The following RB1 variants were observed in gnomAD, a reference collection of about 807,000 sequenced individuals.
RB1 encodes the protein RB transcriptional corepressor 1.
In RB1, 18 loss-of-function variants were observed where a neutral mutation model predicts 135.4. The ratio of observed to expected loss-of-function variants is 0.13; its 90% CI spans 0.09 to 0.20. The LOEUF is 0.20. Among genes scored for constraint, RB1 ranks in the 10% least tolerant of loss-of-function variants. The pLI is 1.00. For missense variants in RB1, 868 were observed against 1,110.0 expected, an observed-to-expected ratio of 0.78 and a Z score of 3.10; for synonymous variants, 365 against 373.2, an observed-to-expected ratio of 0.98 and a Z score of 0.25.
At chr13:48,396,356 A>G (rs1948648130) in intron 17 of RB1, among the ~76,000 whole-genome samples, 1 of 152,202 alleles carries the variant, frequency 6.6e-6, no homozygotes, top group Admixed American at 6.5e-5. Context: ...ATCTACAACC[A>G]TCTGATTTTT....
chr13:48,318,634 C>A, intron 2 of RB1: 1 of 604,072 alleles, frequency 1.7e-6, no homozygotes, highest in South Asian at 1.8e-5. Flanking sequence ...GCATCCTGGC[C>A]ACCATCTTTC....
chr13:48,411,380 G>T, intron 17 of RB1: 2 of 1,604,526 alleles, frequency 1.2e-6, no homozygotes, highest in Non-Finnish European at 1.7e-6. Flanking sequence ...GAGTCCTAAT[G>T]GTTTTATTTC....
chr13:48,347,903 A>G (rs763645782), intron 5 of RB1, 40 bp downstream of exon 5: 6 of 1,486,496 alleles, frequency 4.0e-6, no homozygotes, highest in Non-Finnish European at 5.6e-6. Context: ...CTTAAAAAAA[A>G]AGATTTTTAT....
At chr13:48,365,376 A>G (rs1270180300) in intron 9 of RB1, among the ~76,000 whole-genome samples, 2 of 152,214 alleles carry the variant, frequency 1.3e-5, no homozygotes, top group Non-Finnish European at 2.9e-5. Context: ...ATTGTGGAAC[A>G]TCTCTTTTGA....
chr13:48,391,293 GT>G (rs1262138750), intron 17 of RB1: 5 of 152,144 alleles, frequency 3.3e-5, no homozygotes, highest in Non-Finnish European at 5.9e-5. Context: ...TTCGACAGAA[GT>G]TATAAGCTCT....
chr13:48,452,011 A>G (rs1319212139), intron 17 of RB1, among the ~76,000 whole-genome samples: 2 of 150,986 alleles, frequency 1.3e-5, no homozygotes, highest in Admixed American at 1.3e-4. Flanking sequence ...CTTTCCTTCT[A>G]TATTAGTCTA....
chr13:48,391,759 C>T (rs1322794720), intron 17 of RB1, among the ~76,000 whole-genome samples: 3 of 151,384 alleles, frequency 2.0e-5, no homozygotes. Context: ...GCTGGGATTA[C>T]AGGCACACGC....
chr13:48,431,440 C>T (rs150164667), intron 17 of RB1, among the ~76,000 whole-genome samples: 88 of 152,240 alleles, frequency 5.8e-4, no homozygotes, highest in African/African-American at 2.0e-3. Flanking sequence ...TCGCTCTTAA[C>T]CCACTTGGAA....
chr13:48,423,237 T>C (rs1263748136), intron 17 of RB1, among the ~76,000 whole-genome samples: 2 of 152,220 alleles, frequency 1.3e-5, no homozygotes, highest in South Asian at 2.1e-4. Flanking sequence ...TTGAATACTT[T>C]CACTGCTTAA....
chr13:48,356,284 T>C (rs947012280), intron 6 of RB1, among the ~76,000 whole-genome samples: 14 of 152,032 alleles, frequency 9.2e-5, no homozygotes, highest in African/African-American at 2.7e-4. Flanking sequence ...GGTAGTTGAG[T>C]GCATTCACGA....
At chr13:48,372,778 A>G (rs1258517029) in intron 11 of RB1, among the ~76,000 whole-genome samples, 1 of 152,220 alleles carries the variant, frequency 6.6e-6, no homozygotes, top group African/African-American at 2.4e-5. Context: ...TAAACATTCT[A>G]CAGTTCTTTG....
intron 12 of RB1, among the ~76,000 whole-genome samples, chr13:48,374,552 C>T (rs1416633597): frequency 6.6e-6 from 1 of 152,160 alleles, no homozygotes; most frequent in Non-Finnish European, 1.5e-5. Context: ...ATTGTTTTGG[C>T]TCAGAATTGA....
At chr13:48,410,247 A>G (rs1265958719) in intron 17 of RB1, among the ~76,000 whole-genome samples, 1 of 152,140 alleles carries the variant, frequency 6.6e-6, no homozygotes, top group African/African-American at 2.4e-5. Flanking sequence ...ATCATACTAT[A>G]TTTTTACTGT....
At chr13:48,458,009 C>T (rs2138333806) in intron 19 of RB1, among the ~76,000 whole-genome samples, 1 of 152,288 alleles carries the variant, frequency 6.6e-6, no homozygotes, top group Non-Finnish European at 1.5e-5. Flanking sequence ...TACCTGCTCC[C>T]CAGCCCAGAG....
intron 2 of RB1, chr13:48,317,047 T>C: frequency 4.3e-6 from 3 of 694,692 alleles, no homozygotes; most frequent in Admixed American, 3.6e-5. Context: ...TCGGGCAAAC[T>C]CCGCCCTGTC....
intron 9 of RB1, 104 bp downstream of exon 9, chr13:48,365,075 T>C: frequency 7.3e-7 from 1 of 1,377,920 alleles, no homozygotes; most frequent in South Asian, 1.6e-5. Flanking sequence ...CACATTTTTT[T>C]TTTGCCCAAG....
At chr13:48,459,996 G>C (rs1475396780) in intron 20 of RB1, among the ~76,000 whole-genome samples, 163 bp downstream of exon 20, 1 of 111,146 alleles carries the variant, frequency 9.0e-6, no homozygotes, top group African/African-American at 3.1e-5. Flanking sequence ...TTGAGATAGA[G>C]TCTCACTCTG....
intron 2 of RB1, among the ~76,000 whole-genome samples, chr13:48,316,404 A>T (rs570740099): frequency 6.6e-6 from 1 of 152,230 alleles, no homozygotes; most frequent in Non-Finnish European, 1.5e-5. Flanking sequence ...ACCGACGGAC[A>T]TTCTCACCAG....
At chr13:48,330,560 A>G (rs1952324250) in intron 2 of RB1, among the ~76,000 whole-genome samples, 1 of 152,190 alleles carries the variant, frequency 6.6e-6, no homozygotes, top group Non-Finnish European at 1.5e-5. Flanking sequence ...GGATGACCTG[A>G]AAGAGACAGA....
Sources: allele counts gnomAD v4.1 joint callset (sites outside exome capture counted in the v4.1 genomes callset), GRCh38; gene constraint gnomAD v4.1.1; transcripts MANE v1.5; gene names NCBI Gene and HGNC (gene_info 2026-07-23, HGNC 2026-07-21).